Variants in PPARGC1A observed in about 807,000 individuals in gnomAD.
PPARGC1A encodes PPARG coactivator 1 alpha.
A neutral mutation model predicts 88.7 loss-of-function variants in PPARGC1A; 25 were observed. That is an observed-to-expected ratio of 0.28 (90% confidence interval 0.21 to 0.39). The LOEUF is 0.39. Ranked by LOEUF, PPARGC1A falls within the 10% of genes least tolerant of loss-of-function variation. The pLI is 1.00. For synonymous variants in PPARGC1A, 363 were observed against 355.6 expected (o/e 1.02, Z -0.24); for missense variants, 880 against 968.7 (o/e 0.91, Z 1.22).
the PPARGC1A span, among the ~76,000 whole-genome samples, chr4:24,037,102 C>T: frequency 2.0e-5 from 3 of 152,178 alleles, no homozygotes; most frequent in Non-Finnish European, 4.4e-5. Flanking sequence ...GTTCCAGCCA[C>T]CTCTCTGGAA....
chr4:23,885,047 G>T, intron 1 of PPARGC1A, 116 bp from the exon 2 acceptor site: 1 of 882,170 alleles, frequency 1.1e-6, no homozygotes, highest in Non-Finnish European at 1.6e-6. Flanking sequence ...CACTACCAAA[G>T]CTAGTTTCTG....
At chr4:24,010,860 G>A in the PPARGC1A span, among the ~76,000 whole-genome samples, 1 of 152,124 alleles carries the variant, frequency 6.6e-6, no homozygotes, top group Non-Finnish European at 1.5e-5. Flanking sequence ...TCCAGGTTGG[G>A]GAAGGGTCTC....
At chr4:24,140,151 C>T in the PPARGC1A span, among the ~76,000 whole-genome samples, 1 of 152,084 alleles carries the variant, frequency 6.6e-6, no homozygotes, top group Admixed American at 6.5e-5. Context: ...AACGCTAGGC[C>T]ACAAGGGCAT....
At chr4:23,815,748 G>A (rs958883021) in intron 7 of PPARGC1A, among the ~76,000 whole-genome samples, 7 of 152,146 alleles carry the variant, frequency 4.6e-5, no homozygotes, top group African/African-American at 7.2e-5. Flanking sequence ...ATGAGTTTAC[G>A]CTTACAATGG....
At chr4:24,260,775 C>A in the PPARGC1A span, among the ~76,000 whole-genome samples, 1 of 81,604 alleles carries the variant, frequency 1.2e-5, no homozygotes, top group Non-Finnish European at 2.4e-5. Context: ...TATAACAGAA[C>A]CTCTAGCATT....
the PPARGC1A span, among the ~76,000 whole-genome samples, chr4:24,425,479 C>T: frequency 1.2e-4 from 18 of 152,286 alleles, no homozygotes; most frequent in African/African-American, 3.9e-4. Context: ...AGATTCTTCT[C>T]TACTTTAGAC....
At chr4:24,067,076 A>G in the PPARGC1A span, among the ~76,000 whole-genome samples, 1 of 151,970 alleles carries the variant, frequency 6.6e-6, no homozygotes, top group South Asian at 2.1e-4. Context: ...TACGTTCATT[A>G]GGCAGAACAA....
At chr4:24,080,878 G>A in the PPARGC1A span, among the ~76,000 whole-genome samples, 1 of 152,060 alleles carries the variant, frequency 6.6e-6, no homozygotes, top group Non-Finnish European at 1.5e-5. Context: ...TTTCAAGTAA[G>A]CACGATTTGT....
chr4:24,462,678 A>G, the PPARGC1A span, among the ~76,000 whole-genome samples: 24 of 151,406 alleles, frequency 1.6e-4, 2 homozygotes, highest in Admixed American at 1.5e-3. Context: ...TGTCTCTGGA[A>G]TGTTACAGTA....
the PPARGC1A span, among the ~76,000 whole-genome samples, chr4:23,939,597 A>C: frequency 5.3e-5 from 8 of 152,312 alleles, no homozygotes; most frequent in Middle Eastern, 6.8e-3. Context: ...CTGGAAAATA[A>C]ATTTCCCTCT....
chr4:23,903,576 C>A (rs1207555359), upstream of PPARGC1A, among the ~76,000 whole-genome samples: 1 of 152,096 alleles, frequency 6.6e-6, no homozygotes, highest in Non-Finnish European at 1.5e-5. Context: ...GTTCCTGGAG[C>A]CATGCAATAC....
the PPARGC1A span, among the ~76,000 whole-genome samples, chr4:24,260,045 AG>A: frequency 0.046 from 7,006 of 152,300 alleles, 220 homozygotes; most frequent in Middle Eastern, 0.099. Flanking sequence ...AGTAAAATAA[AG>A]CTTAAGAAGC....
the PPARGC1A span, among the ~76,000 whole-genome samples, chr4:24,216,384 G>C: frequency 6.6e-6 from 1 of 152,102 alleles, no homozygotes; most frequent in Non-Finnish European, 1.5e-5. Flanking sequence ...CTGGGCTCAA[G>C]TGATCTGCCC....
At chr4:24,470,841 A>C in the PPARGC1A span, among the ~76,000 whole-genome samples, 1 of 151,682 alleles carries the variant, frequency 6.6e-6, no homozygotes, top group Non-Finnish European at 1.5e-5. The surrounding 1 kb of genome is among the most constrained non-coding windows in gnomAD (Gnocchi z 5.8). Flanking sequence ...GGATGGCCGC[A>C]GCGCTTTCTG....
At chr4:24,202,741 C>T in the PPARGC1A span, among the ~76,000 whole-genome samples, 2 of 152,168 alleles carry the variant, frequency 1.3e-5, no homozygotes, top group African/African-American at 4.8e-5. Flanking sequence ...TCCAAGCAAG[C>T]TACCTGCCAG....
the PPARGC1A span, among the ~76,000 whole-genome samples, chr4:24,290,346 T>A: frequency 6.6e-6 from 1 of 152,168 alleles, no homozygotes. Flanking sequence ...GCACCCAATT[T>A]ATAGTCTTTT....
the PPARGC1A span, among the ~76,000 whole-genome samples, chr4:24,472,347 C>A: frequency 1.3e-5 from 2 of 151,428 alleles, no homozygotes; most frequent in Non-Finnish European, 2.9e-5. This position sits in a 1 kb window ranked among gnomAD's most constrained non-coding sequence, Gnocchi z 4.5. Flanking sequence ...AGGGGCGCGA[C>A]GCCGCCCGGC....
the PPARGC1A span, among the ~76,000 whole-genome samples, chr4:24,233,150 C>T: frequency 1.8e-4 from 28 of 152,044 alleles, 1 homozygote; most frequent in African/African-American, 1.9e-4. Flanking sequence ...TAAGAACAAC[C>T]GTCAGAAGTC....
the PPARGC1A span, among the ~76,000 whole-genome samples, chr4:23,981,106 AT>A: frequency 6.6e-6 from 1 of 151,806 alleles, no homozygotes; most frequent in African/African-American, 2.4e-5. Flanking sequence ...CCACATTATA[AT>A]TTGCAAAGCA....
Sources: gnomAD v4.1 joint callset for allele counts (sites outside exome capture counted in the v4.1 genomes callset) on GRCh38, gnomAD v4.1.1 for gene constraint, Gnocchi (gnomAD v3.1) non-coding constraint, MANE v1.5 for transcripts, NCBI Gene and HGNC (gene_info 2026-07-23, HGNC 2026-07-21) for gene names.